Variants in HP1BP3 observed in about 807,000 individuals in gnomAD.
HP1BP3 encodes the protein heterochromatin protein 1 binding protein 3, also known as heterochromatin protein 1-binding protein 3.
In HP1BP3, 12 loss-of-function variants were observed where a neutral mutation model predicts 62.5. The ratio of observed to expected loss-of-function variants is 0.19; its 90% CI spans 0.12 to 0.31. The LOEUF (loss-of-function observed/expected upper bound fraction) is 0.31. HP1BP3 is among the 10% of genes least tolerant of loss of function. The probability of loss-of-function intolerance (pLI) is 1.00; values close to 1 mark genes in which losing one functional copy is unlikely to be tolerated. For synonymous variants in HP1BP3, 260 were observed against 237.8 expected (o/e 1.09, Z -0.86); for missense variants, 502 against 651.8 (o/e 0.77, Z 2.50).
chr1:20,765,374 T>C lies in HP1BP3; in HGVS notation c.890+3A>G. On this transcript the variant is annotated splice_donor_region_variant and intron_variant, in intron 8 of 12. Coordinates refer to ENST00000438032, the MANE Select transcript of HP1BP3 (RefSeq NM_001372052.1). The stretch of plus-strand genomic sequence containing the variant: ...TTTTAAAGGCCAGGCCAATGGCTCA[T>C]ACCTGATGTCCACTCTAAGCTTAGG... 6.3e-7 allele frequency: 1 copy of C among 1,598,670 alleles called. No individual in the cohort carries two copies. The highest frequency in any genetic ancestry group is 8.5e-7 in the Non-Finnish European group (1 of 1,173,376).
At chr1:20,785,867 CTA>C (rs1396328678) in intron 1 of HP1BP3, among the ~76,000 whole-genome samples, 6 of 152,158 alleles carry the variant, frequency 3.9e-5, no homozygotes, top group East Asian at 3.8e-4. Context: ...AGTTTTTTGC[CTA>C]TGTCAGGTTA....
At chr1:20,755,519 G>A (rs2056050534) in intron 9 of HP1BP3, 1 of 342,180 alleles carries the variant, frequency 2.9e-6, no homozygotes, top group Non-Finnish European at 6.2e-6. Flanking sequence ...AGGTTGCAGT[G>A]AGCCAAGATC....
chr1:20,780,051 G>GT (rs987245797), intron 2 of HP1BP3, 140 bp from the exon 3 acceptor site: 58 of 628,418 alleles, frequency 9.2e-5, no homozygotes, highest in South Asian at 2.7e-4. Context: ...CTTTTAACAA[G>GT]TTTTTTTTGA....
chr1:20,758,283 G>A (rs963090529), intron 8 of HP1BP3, among the ~76,000 whole-genome samples: 3 of 152,166 alleles, frequency 2.0e-5, no homozygotes, highest in Non-Finnish European at 4.4e-5. Flanking sequence ...CATTTACTAG[G>A]TACCAAGGAC....
At chr1:20,784,131 G>A (rs1251703049) in intron 1 of HP1BP3, among the ~76,000 whole-genome samples, 1 of 151,872 alleles carries the variant, frequency 6.6e-6, no homozygotes, top group Non-Finnish European at 1.5e-5. Context: ...CGCCATGCCC[G>A]GCTAATTTTT....
intron 9 of HP1BP3, among the ~76,000 whole-genome samples, chr1:20,756,648 G>A (rs1178446768): frequency 6.6e-6 from 1 of 152,076 alleles, no homozygotes; most frequent in Non-Finnish European, 1.5e-5. Context: ...AATATGTAAT[G>A]GGTTTTCTAC....
In HP1BP3 at chr1:20,744,743, C is replaced by T. The variant is rs1408182277; in HGVS notation, c.*54G>A. 4 of 1,461,710 alleles carry T rather than the reference C, an allele frequency of 2.7e-6. No homozygotes were observed. In the African/African-American group the frequency reaches 4.2e-5, roughly 16 times the overall value. The allele number at this position is 1,461,710 out of a possible 1,614,324, so 90.5% of individuals were successfully genotyped here. A position where few individuals can be genotyped will look rare whatever the true frequency, so the allele number is the denominator to read the frequency against. On this transcript the variant is annotated 3_prime_UTR_variant, in exon 13 of 13. Coordinates refer to ENST00000438032, the MANE Select transcript of HP1BP3 (RefSeq NM_001372052.1). ...TCAAAACTAAACAAATGCACACTGA[C>T]CTTAGAAAATAAGATTTTGAATTTC...
At chr1:20,761,297 T>C (rs1017875632) in intron 8 of HP1BP3, among the ~76,000 whole-genome samples, 2 of 152,114 alleles carry the variant, frequency 1.3e-5, no homozygotes, top group Non-Finnish European at 2.9e-5. Flanking sequence ...TCCACCTGCC[T>C]CCCAAAGTGC....
intron 8 of HP1BP3, among the ~76,000 whole-genome samples, chr1:20,764,934 C>T (rs1302560824): frequency 6.6e-6 from 1 of 150,900 alleles, no homozygotes; most frequent in Admixed American, 6.6e-5. Flanking sequence ...TTTGGGAGGC[C>T]GAGGCAGGTG....
At chr1:20,776,537 A>C in intron 4 of HP1BP3, 60 bp downstream of exon 4, 1 of 1,433,176 alleles carries the variant, frequency 7.0e-7, no homozygotes, top group Non-Finnish European at 9.6e-7. Flanking sequence ...AAAACAATCT[A>C]ATCTAAAGTC....
intron 3 of HP1BP3, among the ~76,000 whole-genome samples, chr1:20,778,511 A>C (rs1405217467): frequency 2.6e-5 from 4 of 152,364 alleles, no homozygotes; most frequent in Non-Finnish European, 5.9e-5. Context: ...TAGTGGCTTC[A>C]GCTGGCTGTT....
At chr1:20,768,265 T>C (rs1002842539) in intron 6 of HP1BP3, among the ~76,000 whole-genome samples, 1 of 151,868 alleles carries the variant, frequency 6.6e-6, no homozygotes, top group African/African-American at 2.4e-5. Flanking sequence ...GCTAACACAG[T>C]GAAACCCCGT....
chr1:20,750,369 A>ACACT (rs2055651366), intron 9 of HP1BP3: 5 of 128,678 alleles, frequency 3.9e-5, no homozygotes, highest in Non-Finnish European at 8.3e-5. Context: ...ACACACACAC[A>ACACT]CACACACACA....
chr1:20,773,876 G>A (rs974365023), intron 4 of HP1BP3: 31 of 258,214 alleles, frequency 1.2e-4, no homozygotes, highest in Non-Finnish European at 6.5e-5. Context: ...CAGTACATAA[G>A]ACAAATGAGA....
In HP1BP3 at chr1:20,750,125, G is replaced by T. The variant is rs559583345; in HGVS notation, c.982-243C>A. The stretch of plus-strand genomic sequence containing the variant: ...ACCCTCCATCCACCCTAAAATAATA[G>T]CCAACCTAACCCAAAGATACTGACA... On this transcript the variant is annotated intron_variant, in intron 9 of 12. Coordinates refer to ENST00000438032, the MANE Select transcript of HP1BP3 (RefSeq NM_001372052.1). 8 of 586,168 alleles carry T rather than the reference G, an allele frequency of 1.4e-5. No individual in the cohort carries two copies. The South Asian group carries it at 2.6e-4, about 19-fold the overall frequency. 36.3% of individuals were successfully genotyped at this position (586,168 alleles called of 1,614,324 possible).
rs1263681252 is a variant in HP1BP3, at chr1:20,741,742, CAG to C, written c.*3053_*3054del. On this transcript the variant is annotated 3_prime_UTR_variant, in exon 13 of 13. Transcript: ENST00000438032. ...ATCAAAGGTAGCTTGTAGGTAGTTT[CAG>C]AGTGTATGAAACACTGTAAATGAGG... 6.6e-6 allele frequency among the ~76,000 whole-genome samples: 1 copy of C among 152,190 alleles called. No individual in the cohort carries two copies.
At chr1:20,751,329 C>T (rs1489865647) in intron 9 of HP1BP3, among the ~76,000 whole-genome samples, 2 of 151,428 alleles carry the variant, frequency 1.3e-5, no homozygotes, top group South Asian at 2.1e-4. Flanking sequence ...GGGATCTGCA[C>T]CTTTAACCCC....
chr1:20,779,724 A>AC, intron 3 of HP1BP3, 88 bp downstream of exon 3: 1 of 846,106 alleles, frequency 1.2e-6, no homozygotes, highest in Non-Finnish European at 1.8e-6. Context: ...AAAAAAAAAA[A>AC]AACAATTAAG....
At chr1:20,773,330 T>G in intron 5 of HP1BP3, 121 bp downstream of exon 5, 1 of 715,204 alleles carries the variant, frequency 1.4e-6, no homozygotes, top group Non-Finnish European at 2.0e-6. Flanking sequence ...TTTCCTCTCT[T>G]TAAAACTCCT....
Sources: allele counts gnomAD v4.1 joint callset (sites outside exome capture counted in the v4.1 genomes callset), GRCh38; gene constraint gnomAD v4.1.1; transcripts MANE v1.5; gene names NCBI Gene and HGNC (gene_info 2026-07-23, HGNC 2026-07-21).